The following SAMD3 variants were observed in gnomAD, a reference collection of about 807,000 sequenced individuals.
The protein encoded by SAMD3 is sterile alpha motif domain-containing protein 3.
In SAMD3, 63 loss-of-function variants were observed where a neutral mutation model predicts 58.5. The observed-to-expected ratio is 1.08, with a 90% CI of 0.88 to 1.33. SAMD3 has a LOEUF of 1.33. Among genes scored for constraint, SAMD3 ranks in the 40% most tolerant of loss-of-function variants. The pLI is 0.00. For synonymous variants in SAMD3, 220 were observed against 210.3 expected (o/e 1.05, Z -0.40); for missense variants, 604 against 608.4 (o/e 0.99, Z 0.08).
intron 7 of SAMD3, among the ~76,000 whole-genome samples, chr6:130,177,756 C>T (rs1226892713): frequency 6.6e-6 from 1 of 152,070 alleles, no homozygotes; most frequent in Admixed American, 6.5e-5. Flanking sequence ...TCCTTCCTTT[C>T]CTCTAGGCTA....
chr6:130,169,896 G>A (rs977672663), intron 8 of SAMD3, among the ~76,000 whole-genome samples: 6 of 152,256 alleles, frequency 3.9e-5, no homozygotes, highest in South Asian at 2.1e-4. Flanking sequence ...CATCAATTCC[G>A]TTGAATTTTG....
chr6:130,290,763 T>C (rs1775335865), intron 2 of SAMD3, among the ~76,000 whole-genome samples: 1 of 152,196 alleles, frequency 6.6e-6, no homozygotes, highest in East Asian at 1.9e-4. Flanking sequence ...ATGTAGTGTG[T>C]TCAGAATAAG....
intron 2 of SAMD3, among the ~76,000 whole-genome samples, chr6:130,246,854 A>C (rs1773563742): frequency 6.6e-6 from 1 of 152,092 alleles, no homozygotes; most frequent in South Asian, 2.1e-4. Context: ...GTGCCGTTGC[A>C]CTCCAGCCTG....
chr6:130,152,147 C>G (rs1025411606), intron 9 of SAMD3, among the ~76,000 whole-genome samples: 1 of 152,168 alleles, frequency 6.6e-6, no homozygotes, highest in Non-Finnish European at 1.5e-5. Context: ...CTGTCTCCAC[C>G]AGCTCCCTAA....
chr6:130,267,810 G>A (rs1322312280), intron 2 of SAMD3, among the ~76,000 whole-genome samples: 1 of 152,182 alleles, frequency 6.6e-6, no homozygotes, highest in Non-Finnish European at 1.5e-5. Context: ...CTTATGCCCT[G>A]CTTGCTCAAT....
chr6:130,229,206 G>A (rs1157406128), intron 2 of SAMD3, among the ~76,000 whole-genome samples: 2 of 152,224 alleles, frequency 1.3e-5, no homozygotes, highest in African/African-American at 4.8e-5. Context: ...CCCAGATGTA[G>A]TAGTGAGCCT....
intron 1 of SAMD3, among the ~76,000 whole-genome samples, chr6:130,339,185 T>A (rs958987927): frequency 6.6e-6 from 1 of 152,164 alleles, no homozygotes; most frequent in African/African-American, 2.4e-5. Flanking sequence ...TAGCTGGGAC[T>A]ACAGGTGCCT....
intron 1 of SAMD3, among the ~76,000 whole-genome samples, chr6:130,315,627 T>G (rs2114993865): frequency 6.6e-6 from 1 of 152,272 alleles, no homozygotes; most frequent in Middle Eastern, 3.4e-3. Flanking sequence ...TAAAAGGTTG[T>G]TTGGTTGATT....
intron 2 of SAMD3, among the ~76,000 whole-genome samples, chr6:130,240,569 T>A (rs1773320898): frequency 6.6e-6 from 1 of 152,190 alleles, no homozygotes; most frequent in South Asian, 2.1e-4. Flanking sequence ...TTTAAATGTG[T>A]CCCTCAAAAA....
At chr6:130,303,758 A>G (rs995841599) in intron 2 of SAMD3, among the ~76,000 whole-genome samples, 5 of 152,146 alleles carry the variant, frequency 3.3e-5, no homozygotes, top group Non-Finnish European at 7.4e-5. Context: ...CCCAGTTTTC[A>G]CTATTGCACC....
upstream of SAMD3, among the ~76,000 whole-genome samples, chr6:130,223,701 C>T (rs995349757): frequency 2.6e-5 from 4 of 152,126 alleles, no homozygotes; most frequent in Non-Finnish European, 5.9e-5. Flanking sequence ...GGGTGTGACT[C>T]GCTTCTTCAG....
At chr6:130,164,996 G>A (rs1473470145) in intron 8 of SAMD3, among the ~76,000 whole-genome samples, 1 of 152,116 alleles carries the variant, frequency 6.6e-6, no homozygotes, top group Admixed American at 6.6e-5. Flanking sequence ...GACAAAAACT[G>A]ACAGAACTGA....
chr6:130,328,939 G>A (rs1160989831), intron 1 of SAMD3, among the ~76,000 whole-genome samples: 1 of 152,136 alleles, frequency 6.6e-6, no homozygotes, highest in Non-Finnish European at 1.5e-5. Context: ...ACCAAGACAA[G>A]GTTGAGAGTG....
In SAMD3 at chr6:130,248,533, G is replaced by A. The variant is rs117615284; in HGVS notation, c.-187-25720C>T. ...TGATGCCTGAGAAACAAATAGAAGTGCACTGCTTGTTGCCACCCCAGGGAT... is the reference window on the plus strand; with the variant it reads ...TGATGCCTGAGAAACAAATAGAAGTACACTGCTTGTTGCCACCCCAGGGAT... On this transcript the variant is annotated intron_variant, in intron 2 of 13. Coordinates refer to the SAMD3 transcript ENST00000368134. 7.1e-3 allele frequency among the ~76,000 whole-genome samples: 1,074 copies of A among 152,236 alleles called. 4 individuals carry two copies. Among genetic ancestry groups the A allele is most frequent in the Middle Eastern group, 0.02 (6 of 294 alleles).
At chr6:130,192,676 C>A (rs1793665331) in intron 5 of SAMD3, among the ~76,000 whole-genome samples, 1 of 152,210 alleles carries the variant, frequency 6.6e-6, no homozygotes, top group Non-Finnish European at 1.5e-5. Flanking sequence ...TCACACAAAG[C>A]CTGTTTGGTG....
chr6:130,219,154 T>C (rs999907348), intron 1 of SAMD3, among the ~76,000 whole-genome samples: 5 of 152,326 alleles, frequency 3.3e-5, no homozygotes, highest in Admixed American at 1.3e-4. Context: ...TATATTAATC[T>C]TTTAAACATT....
At chr6:130,311,799 C>G (rs746694461) in intron 2 of SAMD3, among the ~76,000 whole-genome samples, 2 of 152,110 alleles carry the variant, frequency 1.3e-5, no homozygotes, top group Non-Finnish European at 2.9e-5. Context: ...TCCTAGAGGA[C>G]CTTCCACACA....
chr6:130,338,116 G>A (rs1562529241), intron 1 of SAMD3, among the ~76,000 whole-genome samples: 2 of 152,168 alleles, frequency 1.3e-5, no homozygotes, highest in African/African-American at 2.4e-5. Context: ...GTGTAGCCTG[G>A]GGACTTGGTG....
At chr6:130,205,743 T>C (rs534424212) in intron 5 of SAMD3, among the ~76,000 whole-genome samples, 1 of 152,188 alleles carries the variant, frequency 6.6e-6, no homozygotes, top group South Asian at 2.1e-4. Context: ...AACTTTAAAG[T>C]GATCAGTTTT....
Sources: allele counts gnomAD v4.1 joint callset (sites outside exome capture counted in the v4.1 genomes callset), GRCh38; gene constraint gnomAD v4.1.1; transcripts MANE v1.5; gene names NCBI Gene and HGNC (gene_info 2026-07-23, HGNC 2026-07-21).